Variants in IQSEC1 observed in about 807,000 individuals in gnomAD.
IQSEC1 encodes the protein IQ motif and Sec7 domain ArfGEF 1, also known as IQ motif and SEC7 domain-containing protein 1.
A neutral mutation model predicts 91.0 loss-of-function variants in IQSEC1; 31 were observed. The observed-to-expected ratio is 0.34, with a 90% CI of 0.26 to 0.46. The LOEUF (loss-of-function observed/expected upper bound fraction) is 0.46, where lower values mean the gene tolerates loss of function less well. IQSEC1 is among the 20% of genes least tolerant of loss of function. The probability of loss-of-function intolerance (pLI) is 1.00; values close to 1 mark genes in which losing one functional copy is unlikely to be tolerated. For synonymous variants in IQSEC1, 699 were observed against 662.6 expected, an observed-to-expected ratio of 1.05 and a Z score of -0.84; for missense variants, 1,388 against 1,575.6, an observed-to-expected ratio of 0.88 and a Z score of 2.02.
At chr3:12,975,961 G>GA (rs946709460) in intron 1 of IQSEC1, among the ~76,000 whole-genome samples, 11 of 152,376 alleles carry the variant, frequency 7.2e-5, no homozygotes, top group African/African-American at 2.2e-4. Flanking sequence ...AACGGCTGCA[G>GA]AGGCAGACTC....
intron 1 of IQSEC1, among the ~76,000 whole-genome samples, chr3:13,060,929 C>A (rs1167370910): frequency 6.6e-6 from 1 of 152,206 alleles, no homozygotes; most frequent in African/African-American, 2.4e-5. Context: ...GGAGCTATGT[C>A]CCTCATGGAC....
intron 1 of IQSEC1, among the ~76,000 whole-genome samples, chr3:12,948,192 G>A (rs1296416138): frequency 1.3e-5 from 2 of 152,254 alleles, no homozygotes; most frequent in Non-Finnish European, 1.5e-5. Flanking sequence ...ATACAGTGAG[G>A]TCCTTAAGAA....
chr3:12,998,371 C>T (rs1481639762), intron 1 of IQSEC1, among the ~76,000 whole-genome samples: 1 of 151,960 alleles, frequency 6.6e-6, no homozygotes, highest in Non-Finnish European at 1.5e-5. Flanking sequence ...AACAACAAAA[C>T]AAGACAAAAA....
chr3:12,977,410 C>T (rs967167219), intron 1 of IQSEC1, among the ~76,000 whole-genome samples: 14 of 151,396 alleles, frequency 9.2e-5, no homozygotes, highest in African/African-American at 2.4e-4. Flanking sequence ...TGGTATACTT[C>T]GGTTTCTTTC....
intron 2 of IQSEC1, among the ~76,000 whole-genome samples, chr3:13,097,384 G>C (rs1029077656): frequency 6.6e-6 from 1 of 152,136 alleles, no homozygotes; most frequent in African/African-American, 2.4e-5. Context: ...CAGTCACTGA[G>C]TCTCCAGCTT....
intron 1 of IQSEC1, among the ~76,000 whole-genome samples, chr3:13,260,764 G>A (rs923154459): frequency 3.4e-5 from 5 of 145,126 alleles, no homozygotes; most frequent in South Asian, 2.1e-4. Flanking sequence ...CAGGGTGCAC[G>A]GGGCGTGGAA....
intron 1 of IQSEC1, among the ~76,000 whole-genome samples, chr3:13,168,593 G>T (rs927494001): frequency 2.0e-5 from 3 of 152,150 alleles, no homozygotes; most frequent in Non-Finnish European, 4.4e-5. Flanking sequence ...GTCTGGCCCT[G>T]CTCAGTCCTC....
intron 1 of IQSEC1, among the ~76,000 whole-genome samples, chr3:12,991,260 C>T (rs62242713): frequency 2.0e-5 from 3 of 152,232 alleles, no homozygotes; most frequent in East Asian, 1.9e-4. Flanking sequence ...GAAGGATGAA[C>T]GGAGTTTGCC....
At chr3:13,263,434 G>C (rs1405455426) in intron 1 of IQSEC1, among the ~76,000 whole-genome samples, 1 of 132,016 alleles carries the variant, frequency 7.6e-6, no homozygotes, top group Non-Finnish European at 1.6e-5. Flanking sequence ...TTTTGGGGGG[G>C]GGGGGAAAGT....
In IQSEC1 at chr3:12,967,349, C is replaced by A; in HGVS notation, c.24-25484G>T. On this transcript the variant is annotated intron_variant, in intron 1 of 13. Transcript: ENST00000613206. The surrounding 1 kb of genome is among the most constrained non-coding windows in gnomAD (Gnocchi z 5.9). ...CAGCCTGCGCCAGCCCACCGCTCAGCACCCGGGAAGGCCGCTCGCCCCGCG... is the reference window on the plus strand; with the variant it reads ...CAGCCTGCGCCAGCCCACCGCTCAGAACCCGGGAAGGCCGCTCGCCCCGCG... 6.6e-7 allele frequency: 1 copy of A among 1,511,040 alleles called. No homozygotes were observed. The highest frequency in any genetic ancestry group is 8.9e-7 in the Non-Finnish European group (1 of 1,127,312). 93.6% of individuals were successfully genotyped at this position (1,511,040 alleles called of 1,614,324 possible). A position where few individuals can be genotyped will look rare whatever the true frequency, so the allele number is the denominator to read the frequency against.
chr3:12,905,171 T>C (rs1309484334), intron 12 of IQSEC1, among the ~76,000 whole-genome samples: 1 of 152,214 alleles, frequency 6.6e-6, no homozygotes, highest in Non-Finnish European at 1.5e-5. Flanking sequence ...CAGGCCAGAA[T>C]AGTGGCTCAC....
intron 1 of IQSEC1, among the ~76,000 whole-genome samples, chr3:13,224,902 A>G (rs905033777): frequency 3.3e-5 from 5 of 152,252 alleles, no homozygotes; most frequent in African/African-American, 1.2e-4. Flanking sequence ...AGCATACCGG[A>G]TGCCCCACGG....
intron 1 of IQSEC1, among the ~76,000 whole-genome samples, chr3:12,951,056 A>G (rs962896040): frequency 2.0e-5 from 3 of 152,216 alleles, no homozygotes; most frequent in African/African-American, 7.2e-5. Context: ...GGCTGCAGTT[A>G]GCTATGATGA....
intron 2 of IQSEC1, among the ~76,000 whole-genome samples, chr3:13,148,848 G>A (rs547450260): frequency 6.6e-6 from 1 of 152,416 alleles, no homozygotes; most frequent in Admixed American, 6.5e-5. Context: ...TAAAGGGGCT[G>A]AGAATGCAGC....
chr3:12,900,006 TAA>T lies in IQSEC1; in HGVS notation c.*975_*976del, dbSNP rs1432051891. On this transcript the variant is annotated 3_prime_UTR_variant, in exon 14 of 14. Transcript: ENST00000613206. ...GGAGAGTCACAGTTATCGCAGCCAT[TAA>T]AGTGTCTAAGAATCCGTGTAACCAA... 1 of 985,254 alleles carries T rather than the reference TAA, an allele frequency of 1.0e-6. No homozygotes were observed. Among genetic ancestry groups the T allele is most frequent in the Non-Finnish European group, 1.2e-6 (1 of 829,932 alleles). The allele number at this position is 985,254 out of a possible 1,614,324, so 61.0% of individuals were successfully genotyped here.
intron 1 of IQSEC1, among the ~76,000 whole-genome samples, chr3:13,044,820 G>A (rs181557110): frequency 7.2e-4 from 109 of 152,346 alleles, no homozygotes; most frequent in African/African-American, 2.6e-3. Context: ...CTGTGCACAG[G>A]CCTCCAGAAC....
chr3:12,897,870 G>C lies in IQSEC1; in HGVS notation c.*3113C>G, dbSNP rs575310006. The stretch of plus-strand genomic sequence containing the variant: ...GGGTGCTGAAGACATTTTTAAGCAA[G>C]ATGTGCACAGCATATTAGGATGAAC... On this transcript the variant is annotated 3_prime_UTR_variant, in exon 14 of 14. Coordinates refer to ENST00000613206, the MANE Select transcript of IQSEC1 (RefSeq NM_001134382.3). 6.6e-6 allele frequency: 1 copy of C among 152,338 alleles called. No homozygotes were observed. The highest frequency in any genetic ancestry group is 2.1e-4 in the South Asian group (1 of 4,824). 9.4% of individuals were successfully genotyped at this position (152,338 alleles called of 1,614,324 possible).
At chr3:13,021,991 A>T (rs1703420789) in intron 1 of IQSEC1, 1 of 1,196,262 alleles carries the variant, frequency 8.4e-7, no homozygotes, top group African/African-American at 1.6e-5. Context: ...CCGGCCCAAC[A>T]GTCGACAGCC....
At chr3:13,209,759 T>C (rs1694410331) in intron 1 of IQSEC1, among the ~76,000 whole-genome samples, 1 of 152,194 alleles carries the variant, frequency 6.6e-6, no homozygotes, top group Non-Finnish European at 1.5e-5. Context: ...GCGTGAATAA[T>C]CCACTGCATC....
Sources: allele counts gnomAD v4.1 joint callset (sites outside exome capture counted in the v4.1 genomes callset), GRCh38; gene constraint gnomAD v4.1.1; non-coding constraint Gnocchi (gnomAD v3.1); transcripts MANE v1.5; gene names NCBI Gene and HGNC (gene_info 2026-07-23, HGNC 2026-07-21).